XKR4: variants seen among roughly 807,000 people sequenced by gnomAD.
XKR4 encodes the protein XK-related protein 4.
A neutral mutation model predicts 53.9 loss-of-function variants in XKR4; 12 were observed. The observed-to-expected ratio is 0.22, with a 90% CI of 0.14 to 0.36. XKR4 has a LOEUF of 0.36. XKR4 is among the 10% of genes least tolerant of loss of function. XKR4 has a pLI of 1.00. For synonymous variants in XKR4, 354 were observed against 362.4 expected (o/e 0.98, Z 0.26); for missense variants, 799 against 859.5 (o/e 0.93, Z 0.88).
chr8:55,225,095 G>T (rs1173212288), intron 1 of XKR4, among the ~76,000 whole-genome samples: 1 of 152,266 alleles, frequency 6.6e-6, no homozygotes, highest in African/African-American at 2.4e-5. Flanking sequence ...CTTTCCTTAA[G>T]CTATTCAAGT....
intron 2 of XKR4, chr8:55,450,848 C>T (rs916214031): frequency 1.0e-5 from 5 of 482,618 alleles, no homozygotes; most frequent in African/African-American, 2.0e-5. Flanking sequence ...CCCATCAGCA[C>T]GGAGGAACTT....
At chr8:55,155,175 A>C (rs1816887479) in intron 1 of XKR4, among the ~76,000 whole-genome samples, 1 of 152,178 alleles carries the variant, frequency 6.6e-6, no homozygotes, top group Admixed American at 6.5e-5. Flanking sequence ...ATTGAATATA[A>C]TGCTGCGCGC....
At position 55,369,328 on chromosome 8, in the gene XKR4, C is replaced by T. The variant is rs558059782; in HGVS notation, c.1006+11451C>T. Among the ~76,000 whole-genome samples, 841 of 135,266 alleles carry T rather than the reference C, an allele frequency of 6.2e-3. 4 individuals are homozygous for T. The highest frequency in any genetic ancestry group is 9.2e-3 in the Non-Finnish European group (597 of 64,642). The allele number at this position is 135,266 out of a possible 152,430, so 88.7% of individuals were successfully genotyped here. Reference sequence around the variant, plus strand: ...CATGCCACTGCACTCCAGCCTAGGGCACAAGCATGATGCTGAGAAAGGAAA... The same window carrying T: ...CATGCCACTGCACTCCAGCCTAGGGTACAAGCATGATGCTGAGAAAGGAAA... On this transcript the variant is annotated intron_variant, in intron 2 of 2. Transcript: ENST00000327381.
chr8:55,155,889 A>G (rs1816900693), intron 1 of XKR4, among the ~76,000 whole-genome samples: 1 of 152,254 alleles, frequency 6.6e-6, no homozygotes, highest in East Asian at 1.9e-4. Context: ...GATTTTCAAT[A>G]TGAAATTCTA....
intron 1 of XKR4, among the ~76,000 whole-genome samples, chr8:55,178,903 C>T (rs767982790): frequency 5.3e-5 from 8 of 152,182 alleles, no homozygotes; most frequent in Non-Finnish European, 8.8e-5. Context: ...ATCCAAGACA[C>T]TCCTCTCAGT....
intron 2 of XKR4, among the ~76,000 whole-genome samples, chr8:55,503,929 C>T (rs1806484053): frequency 6.6e-6 from 1 of 151,872 alleles, no homozygotes; most frequent in Admixed American, 6.6e-5. Flanking sequence ...TAAATTTTGT[C>T]AAATGCTTTT....
intron 1 of XKR4, among the ~76,000 whole-genome samples, chr8:55,266,355 C>T (rs1818600920): frequency 1.3e-5 from 2 of 151,916 alleles, no homozygotes; most frequent in Non-Finnish European, 2.9e-5. Flanking sequence ...GCACCATCCT[C>T]CAGCTGTCTC....
At chr8:55,300,388 C>T (rs1819174038) in intron 1 of XKR4, among the ~76,000 whole-genome samples, 1 of 152,076 alleles carries the variant, frequency 6.6e-6, no homozygotes, top group Non-Finnish European at 1.5e-5. Context: ...TTTGCGGCTT[C>T]AGAATTTCTT....
chr8:55,324,008 G>A (rs1803256464), intron 1 of XKR4, among the ~76,000 whole-genome samples: 1 of 151,874 alleles, frequency 6.6e-6, no homozygotes, highest in South Asian at 2.1e-4. Context: ...ACTTAAATGT[G>A]TTTGCCTTTA....
At chr8:55,428,317 A>T (rs1460040675) in intron 2 of XKR4, among the ~76,000 whole-genome samples, 1 of 152,256 alleles carries the variant, frequency 6.6e-6, no homozygotes. Flanking sequence ...AGATTTGGGG[A>T]TGACGTCTGG....
At chr8:55,289,295 T>A (rs994901204) in intron 1 of XKR4, among the ~76,000 whole-genome samples, 12 of 151,896 alleles carry the variant, frequency 7.9e-5, no homozygotes, top group African/African-American at 2.4e-4. Context: ...GGAGGGTGGA[T>A]CACTTGAGGT....
chr8:55,118,538 T>C (rs977322449), intron 1 of XKR4, among the ~76,000 whole-genome samples: 1 of 152,240 alleles, frequency 6.6e-6, no homozygotes, highest in African/African-American at 2.4e-5. Context: ...CAGTCCAGCA[T>C]AGGCAAGTGC....
At chr8:55,127,755 A>C in intron 1 of XKR4, among the ~76,000 whole-genome samples, 1 of 70,216 alleles carries the variant, frequency 1.4e-5, no homozygotes, top group Non-Finnish European at 2.6e-5. Flanking sequence ...AACAGTCCCC[A>C]GTGTGTGATG....
At chr8:55,500,442 C>T (rs1020113378) in intron 2 of XKR4, among the ~76,000 whole-genome samples, 2 of 152,106 alleles carry the variant, frequency 1.3e-5, no homozygotes, top group African/African-American at 4.8e-5. Flanking sequence ...ACAAGATCCA[C>T]CCATTATTCT....
intron 1 of XKR4, among the ~76,000 whole-genome samples, chr8:55,316,762 C>T (rs1268765764): frequency 6.6e-6 from 1 of 152,154 alleles, no homozygotes; most frequent in Non-Finnish European, 1.5e-5. Context: ...TTCTCTACCG[C>T]AACCCCCAAG....
At chr8:55,153,525 G>C (rs1816866030) in intron 1 of XKR4, among the ~76,000 whole-genome samples, 1 of 152,126 alleles carries the variant, frequency 6.6e-6, no homozygotes, top group Admixed American at 6.5e-5. Flanking sequence ...ACAAATATGT[G>C]TCCACTACAA....
chr8:55,509,162 C>T (rs565231866), intron 2 of XKR4, among the ~76,000 whole-genome samples: 5 of 152,258 alleles, frequency 3.3e-5, no homozygotes, highest in South Asian at 4.2e-4. Flanking sequence ...CCTCCGCTGC[C>T]TGTTGAATAC....
intron 2 of XKR4, among the ~76,000 whole-genome samples, chr8:55,360,254 C>G (rs993370988): frequency 5.3e-5 from 8 of 152,282 alleles, no homozygotes; most frequent in African/African-American, 1.9e-4. Flanking sequence ...CTCCAGCCAA[C>G]GAAGACCAGC....
At chr8:55,334,832 G>T (rs1404892334) in intron 1 of XKR4, among the ~76,000 whole-genome samples, 2 of 152,102 alleles carry the variant, frequency 1.3e-5, no homozygotes, top group East Asian at 3.8e-4. Context: ...AAGGACTGGG[G>T]TTATGTGACC....
Sources: allele counts gnomAD v4.1 joint callset (sites outside exome capture counted in the v4.1 genomes callset), GRCh38; gene constraint gnomAD v4.1.1; transcripts MANE v1.5; gene names NCBI Gene and HGNC (gene_info 2026-07-23, HGNC 2026-07-21).